Variants in CLYBL observed in about 807,000 individuals in gnomAD.
CLYBL encodes citramalyl-CoA lyase, mitochondrial.
Under a neutral mutation model 38.9 loss-of-function variants are expected in CLYBL, and 31 were observed. The ratio of observed to expected loss-of-function variants is 0.80; its 90% CI spans 0.60 to 1.08. The LOEUF is 1.08. CLYBL is among the 50% of genes least tolerant of loss of function. The pLI is 0.00. For synonymous variants in CLYBL, 171 were observed against 158.6 expected, an observed-to-expected ratio of 1.08 and a Z score of -0.59; for missense variants, 434 against 411.6, an observed-to-expected ratio of 1.05 and a Z score of -0.47.
chr13:99,632,923 C>G (rs368454450), intron 1 of CLYBL, among the ~76,000 whole-genome samples: 101 of 152,150 alleles, frequency 6.6e-4, no homozygotes, highest in Non-Finnish European at 1.3e-3. Flanking sequence ...AATGAATGAA[C>G]AGATAGGGAG....
At chr13:99,711,993 G>C (rs887422958) in intron 1 of CLYBL, among the ~76,000 whole-genome samples, 7 of 152,318 alleles carry the variant, frequency 4.6e-5, no homozygotes, top group Middle Eastern at 3.4e-3. Context: ...GGGATTACAG[G>C]CGTGAGGGAG....
chr13:99,835,363 G>T (rs905029554), intron 2 of CLYBL, among the ~76,000 whole-genome samples: 4 of 152,220 alleles, frequency 2.6e-5, no homozygotes, highest in African/African-American at 9.6e-5. Flanking sequence ...CGTTGCGTCT[G>T]CCCTGTTGCT....
intron 7 of CLYBL, among the ~76,000 whole-genome samples, chr13:99,879,314 T>C (rs1237496172): frequency 2.0e-5 from 3 of 152,232 alleles, no homozygotes; most frequent in Non-Finnish European, 4.4e-5. Context: ...TAACGCTGTC[T>C]ATTCATTTTA....
At chr13:99,868,177 G>A (rs990928855) in intron 6 of CLYBL, among the ~76,000 whole-genome samples, 1 of 152,164 alleles carries the variant, frequency 6.6e-6, no homozygotes, top group East Asian at 1.9e-4. Context: ...CATAACTAGG[G>A]AGCCACACTT....
At chr13:99,651,371 A>T (rs2047250599) in intron 1 of CLYBL, among the ~76,000 whole-genome samples, 1 of 152,114 alleles carries the variant, frequency 6.6e-6, no homozygotes, top group Admixed American at 6.6e-5. Flanking sequence ...GGAGTTCTAG[A>T]CTAGACTGGC....
intron 2 of CLYBL, among the ~76,000 whole-genome samples, chr13:99,779,564 AC>A (rs1369084805): frequency 6.6e-6 from 1 of 152,224 alleles, no homozygotes; most frequent in East Asian, 1.9e-4. Flanking sequence ...GTGGACTGAT[AC>A]TTTTGTAAAA....
At chr13:99,662,988 A>G (rs1366887987) in intron 1 of CLYBL, among the ~76,000 whole-genome samples, 9 of 152,180 alleles carry the variant, frequency 5.9e-5, no homozygotes, top group Non-Finnish European at 1.3e-4. Flanking sequence ...GACACTAAAT[A>G]TGTTCTTCAA....
chr13:99,697,190 T>C (rs2047992836), intron 1 of CLYBL, among the ~76,000 whole-genome samples: 1 of 152,192 alleles, frequency 6.6e-6, no homozygotes, highest in Non-Finnish European at 1.5e-5. Context: ...TCCTCATCTG[T>C]AAAATGGGTA....
intron 1 of CLYBL, among the ~76,000 whole-genome samples, chr13:99,723,261 A>AT (rs1021508684): frequency 1.2e-4 from 19 of 152,128 alleles, no homozygotes; most frequent in Non-Finnish European, 1.3e-4. Flanking sequence ...GGTAGATGGG[A>AT]TTTTCTCACT....
Position 99,651,878 on chromosome 13 carries a change from G to A in CLYBL, c.62+45121G>A, listed in dbSNP as rs528895457. Among the ~76,000 whole-genome samples, 182 of 152,220 alleles carry A rather than the reference G, an allele frequency of 1.2e-3. 1 individual carries two copies. The highest frequency in any genetic ancestry group is 3.4e-3 in the Middle Eastern group (1 of 294). On this transcript the variant is annotated intron_variant, in intron 1 of 8. Transcript: ENST00000339105. ...ACTCGGGAGGCAGAGGTTGCAGTGAGCCGAGATCATGCCATTGCACTCCAG... is the reference window on the plus strand; with the variant it reads ...ACTCGGGAGGCAGAGGTTGCAGTGAACCGAGATCATGCCATTGCACTCCAG...
intron 1 of CLYBL, among the ~76,000 whole-genome samples, chr13:99,722,803 G>A (rs374541515): frequency 5.6e-4 from 86 of 152,354 alleles, no homozygotes; most frequent in African/African-American, 2.0e-3. Context: ...TGCACTGCTT[G>A]ATATATGAAG....
chr13:99,731,886 T>TCAGTTCTGC (rs1159839329), intron 1 of CLYBL, among the ~76,000 whole-genome samples: 1 of 152,184 alleles, frequency 6.6e-6, no homozygotes, highest in Non-Finnish European at 1.5e-5. Flanking sequence ...GAACTGGGCT[T>TCAGTTCTGC]CAGTTCTGCA....
At chr13:99,795,697 G>C (rs182723811) in intron 2 of CLYBL, among the ~76,000 whole-genome samples, 1 of 152,086 alleles carries the variant, frequency 6.6e-6, no homozygotes, top group Admixed American at 6.6e-5. Flanking sequence ...TCTGTCAAAA[G>C]AGCTCAAAAG....
chr13:99,765,890 C>T (rs1221898541), intron 1 of CLYBL, among the ~76,000 whole-genome samples: 2 of 146,488 alleles, frequency 1.4e-5, no homozygotes, highest in African/African-American at 5.1e-5. Context: ...CTCATTCTGT[C>T]CCCTGGGCTA....
At chr13:99,730,364 C>T (rs1290278392) in intron 1 of CLYBL, among the ~76,000 whole-genome samples, 7 of 152,224 alleles carry the variant, frequency 4.6e-5, no homozygotes, top group Non-Finnish European at 1.5e-5. Flanking sequence ...AGGTGCAGCA[C>T]GCTCATGGGG....
intron 2 of CLYBL, among the ~76,000 whole-genome samples, chr13:99,789,133 C>A (rs2049862602): frequency 1.3e-5 from 2 of 152,100 alleles, no homozygotes; most frequent in African/African-American, 4.8e-5. Context: ...TTTTGTTAAT[C>A]TTTTCAAAAA....
intron 1 of CLYBL, among the ~76,000 whole-genome samples, chr13:99,628,697 G>A (rs1170734755): frequency 6.6e-6 from 1 of 152,238 alleles, no homozygotes; most frequent in African/African-American, 2.4e-5. Flanking sequence ...GAGGCTCTGG[G>A]CAGCAATCAG....
At chr13:99,616,537 T>C (rs879418750) in intron 1 of CLYBL, among the ~76,000 whole-genome samples, 4 of 152,244 alleles carry the variant, frequency 2.6e-5, no homozygotes, top group Non-Finnish European at 5.9e-5. Flanking sequence ...CAGCCTTGGC[T>C]GTCACACTGG....
At chr13:99,892,256 C>T (rs1296201033) in intron 8 of CLYBL, 187 bp from the exon 9 acceptor site, 1 of 152,176 alleles carries the variant, frequency 6.6e-6, no homozygotes, top group East Asian at 1.9e-4. Context: ...ACAATGCACC[C>T]GAGCTGGTGC....
Sources: gnomAD v4.1 joint callset for allele counts (sites outside exome capture counted in the v4.1 genomes callset) on GRCh38, gnomAD v4.1.1 for gene constraint, MANE v1.5 for transcripts, NCBI Gene and HGNC (gene_info 2026-07-23, HGNC 2026-07-21) for gene names.